CTNNA3: variants seen among roughly 807,000 people sequenced by gnomAD.
CTNNA3 encodes catenin alpha-3.
Under a neutral mutation model 95.7 loss-of-function variants are expected in CTNNA3, and 76 were observed. The observed-to-expected ratio is 0.79, with a 90% CI of 0.66 to 0.96. CTNNA3 has a LOEUF of 0.96. Ranked by LOEUF, CTNNA3 falls within the 40% of genes least tolerant of loss-of-function variation. The probability of loss-of-function intolerance (pLI) is 0.00; values close to 1 mark genes in which losing one functional copy is unlikely to be tolerated. For missense variants in CTNNA3, 1,191 were observed against 1,089.8 expected, an observed-to-expected ratio of 1.09 and a Z score of -1.31; for synonymous variants, 431 against 374.4, an observed-to-expected ratio of 1.15 and a Z score of -1.74.
chr10:67,341,770 A>C (rs575473860), intron 5 of CTNNA3, among the ~76,000 whole-genome samples: 1 of 152,142 alleles, frequency 6.6e-6, no homozygotes, highest in Admixed American at 6.5e-5. Flanking sequence ...GAAACCTCAA[A>C]ACTGTTCTCT....
intron 17 of CTNNA3, among the ~76,000 whole-genome samples, chr10:65,930,300 A>C (rs1284298500): frequency 1.3e-5 from 2 of 152,090 alleles, no homozygotes; most frequent in African/African-American, 2.4e-5. Context: ...GGAAAAACTA[A>C]GAAGCCAAAT....
At chr10:67,722,286 G>A (rs1179177607) in intron 1 of CTNNA3, among the ~76,000 whole-genome samples, 1 of 152,172 alleles carries the variant, frequency 6.6e-6, no homozygotes, top group Non-Finnish European at 1.5e-5. Flanking sequence ...GAAGGTGAGA[G>A]ACAGATCAAA....
chr10:66,513,770 A>T (rs1274897631), intron 11 of CTNNA3, among the ~76,000 whole-genome samples: 2 of 152,200 alleles, frequency 1.3e-5, no homozygotes, highest in Non-Finnish European at 2.9e-5. Flanking sequence ...TCATCAGGGA[A>T]GGTGGCTCTC....
chr10:67,580,396 T>A (rs1842343675), intron 3 of CTNNA3, among the ~76,000 whole-genome samples: 1 of 151,854 alleles, frequency 6.6e-6, no homozygotes, highest in Non-Finnish European at 1.5e-5. Flanking sequence ...CTGAGGGCTC[T>A]GTTCTGTTTC....
At chr10:66,637,036 G>A (rs188113469) in intron 9 of CTNNA3, among the ~76,000 whole-genome samples, 1 of 152,192 alleles carries the variant, frequency 6.6e-6, no homozygotes, top group Admixed American at 6.5e-5. Flanking sequence ...TATATCAATT[G>A]AATTGTTTAA....
intron 5 of CTNNA3, among the ~76,000 whole-genome samples, chr10:67,289,210 A>T (rs989319713): frequency 1.3e-5 from 2 of 152,114 alleles, no homozygotes; most frequent in African/African-American, 4.8e-5. Context: ...TCAACTTTGG[A>T]GAGTACTGTA....
intron 7 of CTNNA3, among the ~76,000 whole-genome samples, chr10:67,015,936 CA>C (rs1852628962): frequency 1.3e-5 from 2 of 151,886 alleles, no homozygotes; most frequent in African/African-American, 4.8e-5. Context: ...GTGTTGCTTC[CA>C]GTGTCTATTT....
chr10:67,176,314 G>T (rs1472155096), intron 7 of CTNNA3, among the ~76,000 whole-genome samples: 1 of 152,178 alleles, frequency 6.6e-6, no homozygotes, highest in Admixed American at 6.6e-5. Flanking sequence ...TGTCAGAGAG[G>T]CTGTTTCTCC....
intron 9 of CTNNA3, among the ~76,000 whole-genome samples, chr10:66,655,450 A>G (rs768539838): frequency 2.0e-4 from 31 of 152,084 alleles, no homozygotes; most frequent in Non-Finnish European, 4.1e-4. Flanking sequence ...AACAAATGAG[A>G]AATTATAATT....
At chr10:65,948,101 C>T (rs540734105) in intron 17 of CTNNA3, among the ~76,000 whole-genome samples, 1 of 152,026 alleles carries the variant, frequency 6.6e-6, no homozygotes, top group Non-Finnish European at 1.5e-5. Context: ...CACGGTGAAA[C>T]CCCGTCTCTA....
chr10:66,645,991 C>T (rs1402860386), intron 9 of CTNNA3, among the ~76,000 whole-genome samples: 2 of 152,114 alleles, frequency 1.3e-5, no homozygotes, highest in Non-Finnish European at 2.9e-5. Context: ...AGGTAGAGTA[C>T]TTTTCCCCAC....
intron 5 of CTNNA3, among the ~76,000 whole-genome samples, chr10:67,438,521 A>T (rs1846383436): frequency 6.6e-6 from 1 of 152,220 alleles, no homozygotes; most frequent in Non-Finnish European, 1.5e-5. Context: ...TTGTCCCTAA[A>T]GCCGGAATAC....
chr10:67,489,993 A>G (rs1202807129), intron 5 of CTNNA3, among the ~76,000 whole-genome samples: 2 of 152,142 alleles, frequency 1.3e-5, no homozygotes, highest in African/African-American at 2.4e-5. Context: ...AACTCATCAC[A>G]GGTATCTTTA....
chr10:67,112,963 G>T (rs1463195830), intron 7 of CTNNA3, among the ~76,000 whole-genome samples: 3 of 152,106 alleles, frequency 2.0e-5, no homozygotes, highest in Admixed American at 1.3e-4. Context: ...TTCATCCCCA[G>T]TGAGTACTAG....
chr10:66,446,746 T>C lies in CTNNA3; in HGVS notation c.1532-67394A>G, dbSNP rs553391379. The stretch of plus-strand genomic sequence containing the variant: ...CTGAATGGGCAAAATCTGGAAGCAT[T>C]CCCTTTGAAAACTGGCACAAGACAG... On this transcript the variant is annotated intron_variant, in intron 11 of 17. Transcript: ENST00000433211. 3.1e-3 allele frequency among the ~76,000 whole-genome samples: 468 copies of C among 152,214 alleles called. 1 individual carries two copies. Among genetic ancestry groups the C allele is most frequent in the African/African-American group, 0.011 (450 of 41,516 alleles).
At chr10:66,298,908 G>C (rs527696728) in intron 12 of CTNNA3, among the ~76,000 whole-genome samples, 2 of 152,228 alleles carry the variant, frequency 1.3e-5, no homozygotes, top group South Asian at 4.1e-4. Context: ...AATCTAAAGG[G>C]AAAAGTCAAG....
chr10:67,368,769 T>C (rs900589732), intron 5 of CTNNA3, among the ~76,000 whole-genome samples: 1 of 152,222 alleles, frequency 6.6e-6, no homozygotes, highest in Admixed American at 6.5e-5. Flanking sequence ...AGAGCACATG[T>C]TATATAATTC....
chr10:66,431,917 C>T (rs1159348090), intron 11 of CTNNA3, among the ~76,000 whole-genome samples: 2 of 151,904 alleles, frequency 1.3e-5, no homozygotes, highest in African/African-American at 4.8e-5. Context: ...TATATAAAAT[C>T]ATTGTATTAA....
At chr10:66,514,248 T>C (rs1033734583) in intron 11 of CTNNA3, among the ~76,000 whole-genome samples, 1 of 152,150 alleles carries the variant, frequency 6.6e-6, no homozygotes, top group Non-Finnish European at 1.5e-5. Flanking sequence ...GAATAAATAC[T>C]TTTACACATT....
Sources: gnomAD v4.1 joint callset for allele counts (sites outside exome capture counted in the v4.1 genomes callset) on GRCh38, gnomAD v4.1.1 for gene constraint, MANE v1.5 for transcripts, NCBI Gene and HGNC (gene_info 2026-07-23, HGNC 2026-07-21) for gene names.